KCNK10: variants seen among roughly 807,000 people sequenced by gnomAD.
The protein encoded by KCNK10 is potassium two pore domain channel subfamily K member 10.
In KCNK10, 25 loss-of-function variants were observed where a neutral mutation model predicts 47.7. The observed-to-expected ratio is 0.52, with a 90% CI of 0.38 to 0.73. The LOEUF (loss-of-function observed/expected upper bound fraction) is 0.73. Ranked by LOEUF, KCNK10 falls within the 30% of genes least tolerant of loss-of-function variation. The pLI is 0.00. For missense variants in KCNK10, 563 were observed against 714.5 expected (o/e 0.79, Z 2.42); for synonymous variants, 303 against 285.6 (o/e 1.06, Z -0.61).
At chr14:88,306,502 G>A (rs1206187767) in intron 1 of KCNK10, among the ~76,000 whole-genome samples, 1 of 152,134 alleles carries the variant, frequency 6.6e-6, no homozygotes, top group Non-Finnish European at 1.5e-5. Context: ...CATAGGATGT[G>A]CTCTGTCATC....
chr14:88,188,212 A>G, intron 5 of KCNK10, 103 bp from the exon 6 acceptor site: 2 of 1,361,478 alleles, frequency 1.5e-6, no homozygotes, highest in Non-Finnish European at 2.1e-6. Context: ...ATCATTGTTT[A>G]ACACTCAGCT....
At chr14:88,290,557 C>T (rs548391282) in intron 1 of KCNK10, among the ~76,000 whole-genome samples, 3 of 152,244 alleles carry the variant, frequency 2.0e-5, no homozygotes, top group Admixed American at 2.0e-4. Context: ...TAAGCCTCAC[C>T]GCAGACCAGG....
intron 1 of KCNK10, among the ~76,000 whole-genome samples, chr14:88,318,614 G>A (rs1888476613): frequency 6.6e-6 from 1 of 152,162 alleles, no homozygotes; most frequent in Admixed American, 6.6e-5. Flanking sequence ...TATAAGCAGT[G>A]GGAATTCCAA....
At chr14:88,244,573 C>T (rs1001954724) in intron 2 of KCNK10, among the ~76,000 whole-genome samples, 1 of 151,840 alleles carries the variant, frequency 6.6e-6, no homozygotes, top group African/African-American at 2.4e-5. Flanking sequence ...GAGGCTGAGG[C>T]AGGAGAATGG....
Position 88,322,254 on chromosome 14 carries a change from G to T in KCNK10, c.52+493C>A, listed in dbSNP as rs1260051218. On this transcript the variant is annotated intron_variant, in intron 1 of 6. Transcript: ENST00000319231. This position sits in a 1 kb window ranked among gnomAD's most constrained non-coding sequence, Gnocchi z 4.8. ...ATTATTCTGCATGCCCTGCGAGAAC[G>T]GCCCACCCCTAGGGACGGCTGCTGC... 1.3e-5 allele frequency among the ~76,000 whole-genome samples: 2 copies of T among 152,122 alleles called. No homozygotes were observed. Among genetic ancestry groups the T allele is most frequent in the Non-Finnish European group, 2.9e-5 (2 of 68,022 alleles).
At chr14:88,303,265 C>A (rs1241622683) in intron 1 of KCNK10, among the ~76,000 whole-genome samples, 3 of 152,158 alleles carry the variant, frequency 2.0e-5, no homozygotes, top group African/African-American at 7.2e-5. Context: ...TCTTAACAGT[C>A]AATGTCCGTA....
At chr14:88,264,437 A>G (rs1240846112) in intron 1 of KCNK10, among the ~76,000 whole-genome samples, 1 of 152,208 alleles carries the variant, frequency 6.6e-6, no homozygotes, top group African/African-American at 2.4e-5. Context: ...GTCATGGTGC[A>G]GGCTGGCTGT....
rs115284810 is a variant in KCNK10, at chr14:88,231,761, G to A, written c.521-4226C>T. On this transcript the variant is annotated intron_variant, in intron 3 of 6. Transcript: ENST00000319231. ...TGCTCTTCCTTCTGGCGTGGCTACT[G>A]GTCTGGAGAAGTGCCTGAAGGTATT... 6.4e-3 allele frequency among the ~76,000 whole-genome samples: 980 copies of A among 152,212 alleles called. 17 individuals carry two copies. The highest frequency in any genetic ancestry group is 0.022 in the African/African-American group (931 of 41,524).
chr14:88,315,801 T>C (rs1055506902), intron 1 of KCNK10, among the ~76,000 whole-genome samples: 1 of 152,094 alleles, frequency 6.6e-6, no homozygotes, highest in African/African-American at 2.4e-5. Flanking sequence ...CACTGGGTAG[T>C]TGAGTAAGGG....
chr14:88,196,813 T>C (rs929253761), intron 4 of KCNK10, among the ~76,000 whole-genome samples: 1 of 152,362 alleles, frequency 6.6e-6, no homozygotes, highest in Admixed American at 6.5e-5. Context: ...GGGAACTGCC[T>C]AGTAAGAGGA....
intron 1 of KCNK10, among the ~76,000 whole-genome samples, chr14:88,268,507 G>T (rs188397988): frequency 6.6e-6 from 1 of 152,348 alleles, no homozygotes; most frequent in East Asian, 1.9e-4. Flanking sequence ...ATTAAAAAGG[G>T]AATCATCTGA....
At chr14:88,286,017 C>A (rs1353394053) in intron 1 of KCNK10, among the ~76,000 whole-genome samples, 8 of 152,166 alleles carry the variant, frequency 5.3e-5, no homozygotes, top group Admixed American at 5.2e-4. Context: ...CTCTTAGGAT[C>A]CAGCTGCCAC....
rs575973652 is a variant in KCNK10, at chr14:88,318,721, G to T, written c.52+4026C>A. ...TCAGATCAAGATGGGGAAAGTTGAA[G>T]AGACAAAGTCAGAGAGGTAGACAAA... On this transcript the variant is annotated intron_variant, in intron 1 of 6. Transcript: ENST00000319231. Among the ~76,000 whole-genome samples, 46 of 152,314 alleles carry T rather than the reference G, an allele frequency of 3.0e-4. No individual in the cohort carries two copies. In the South Asian group the frequency reaches 9.1e-3, roughly 30 times the overall value.
At chr14:88,240,559 G>C (rs1393955683) in intron 3 of KCNK10, 144 bp downstream of exon 3, 1 of 592,508 alleles carries the variant, frequency 1.7e-6, no homozygotes, top group Non-Finnish European at 3.1e-6. Flanking sequence ...CCACCACAAT[G>C]ACTGCATTAA....
chr14:88,219,515 T>C (rs1300443157), intron 4 of KCNK10, among the ~76,000 whole-genome samples: 3 of 152,170 alleles, frequency 2.0e-5, no homozygotes, highest in Non-Finnish European at 2.9e-5. Flanking sequence ...CTTATCTTGA[T>C]TGATTCAAGG....
At chr14:88,290,940 C>A (rs1887862509) in intron 1 of KCNK10, among the ~76,000 whole-genome samples, 1 of 152,178 alleles carries the variant, frequency 6.6e-6, no homozygotes. Context: ...CGTCAGGAAA[C>A]AGGCAGGGAG....
chr14:88,244,226 T>C (rs1302904386), intron 2 of KCNK10, among the ~76,000 whole-genome samples: 1 of 152,178 alleles, frequency 6.6e-6, no homozygotes, highest in African/African-American at 2.4e-5. Context: ...GACGTTACCA[T>C]TTGAATTGGC....
At chr14:88,280,506 C>G (rs935791573) in intron 1 of KCNK10, among the ~76,000 whole-genome samples, 2 of 152,184 alleles carry the variant, frequency 1.3e-5, no homozygotes, top group African/African-American at 2.4e-5. Context: ...TCCAGCTTCA[C>G]ACACCCAATT....
chr14:88,240,867 AT>A (rs369769888), intron 2 of KCNK10, 47 bp from the exon 3 acceptor site: 31,750 of 1,052,504 alleles, frequency 0.03, 787 homozygotes, highest in African/African-American at 0.12. Context: ...AAAGTTGTTT[AT>A]TTTTTTTTTC....
Sources: allele counts gnomAD v4.1 joint callset (sites outside exome capture counted in the v4.1 genomes callset), GRCh38; gene constraint gnomAD v4.1.1; non-coding constraint Gnocchi (gnomAD v3.1); transcripts MANE v1.5; gene names NCBI Gene and HGNC (gene_info 2026-07-23, HGNC 2026-07-21).